The following CSMD1 variants were observed in gnomAD, a reference collection of about 807,000 sequenced individuals.
CSMD1 encodes CUB and sushi domain-containing protein 1.
Under a neutral mutation model 417.5 loss-of-function variants are expected in CSMD1, and 213 were observed. The observed-to-expected ratio is 0.51, with a 90% confidence interval of 0.46 to 0.57. The LOEUF is 0.57. CSMD1 is among the 20% of genes least tolerant of loss of function. CSMD1 has a pLI of 0.00. For missense variants in CSMD1, 6,923 were observed against 4,529.7 expected, an observed-to-expected ratio of 1.53 and a Z score of -15.17; for synonymous variants, 2,862 against 1,736.8, an observed-to-expected ratio of 1.65 and a Z score of -16.11.
chr8:4,056,579 C>T (rs1798703727), intron 3 of CSMD1, among the ~76,000 whole-genome samples: 1 of 151,774 alleles, frequency 6.6e-6, no homozygotes, highest in African/African-American at 2.4e-5. Context: ...TACATGTGCA[C>T]AATGTGCAGG....
chr8:4,089,455 C>T (rs1300645028), intron 3 of CSMD1, among the ~76,000 whole-genome samples: 1 of 151,972 alleles, frequency 6.6e-6, no homozygotes, highest in Non-Finnish European at 1.5e-5. Flanking sequence ...TTTTTGTGTC[C>T]TTCATAGTTT....
intron 3 of CSMD1, among the ~76,000 whole-genome samples, chr8:4,197,092 G>C (rs1053858103): frequency 4.6e-5 from 7 of 152,232 alleles, no homozygotes; most frequent in Non-Finnish European, 8.8e-5. Context: ...GAAACATCAA[G>C]ATGAAGACAA....
intron 5 of CSMD1, among the ~76,000 whole-genome samples, chr8:3,860,688 G>A (rs762018342): frequency 6.6e-5 from 10 of 152,228 alleles, no homozygotes; most frequent in Middle Eastern, 6.8e-3. Context: ...TAAGACCACA[G>A]AACTTTGTAA....
At chr8:4,332,952 A>C (rs1407331632) in intron 3 of CSMD1, among the ~76,000 whole-genome samples, 9 of 151,918 alleles carry the variant, frequency 5.9e-5, no homozygotes, top group Non-Finnish European at 8.8e-5. Flanking sequence ...TCTAAAAAAA[A>C]AAAAACTAAG....
chr8:3,485,270 C>T (rs1480688148), intron 11 of CSMD1, among the ~76,000 whole-genome samples: 1 of 152,128 alleles, frequency 6.6e-6, no homozygotes, highest in Non-Finnish European at 1.5e-5. Flanking sequence ...GGGAATTTTG[C>T]TGAGTGAGAA....
chr8:3,838,273 C>T (rs577667041), intron 5 of CSMD1, among the ~76,000 whole-genome samples: 1 of 152,006 alleles, frequency 6.6e-6, no homozygotes, highest in Admixed American at 6.6e-5. Flanking sequence ...TAATGGCTCA[C>T]ACCTGTAACC....
At chr8:4,888,391 TTTC>T (rs1156885388) in intron 1 of CSMD1, among the ~76,000 whole-genome samples, 1 of 152,028 alleles carries the variant, frequency 6.6e-6, no homozygotes, top group Non-Finnish European at 1.5e-5. Flanking sequence ...ATATGTATAT[TTTC>T]TTATTTCCCA....
At chr8:4,558,224 T>A (rs1383138488) in intron 2 of CSMD1, among the ~76,000 whole-genome samples, 1 of 152,120 alleles carries the variant, frequency 6.6e-6, no homozygotes, top group East Asian at 1.9e-4. Context: ...CCTTATCACT[T>A]TAGTCAGTAA....
At chr8:4,547,087 A>G (rs1797671807) in intron 2 of CSMD1, among the ~76,000 whole-genome samples, 1 of 152,158 alleles carries the variant, frequency 6.6e-6, no homozygotes, top group South Asian at 2.1e-4. Flanking sequence ...TGTATATTTC[A>G]TAGTCACCTA....
At chr8:4,417,085 A>G (rs549009364) in intron 3 of CSMD1, among the ~76,000 whole-genome samples, 12 of 152,146 alleles carry the variant, frequency 7.9e-5, no homozygotes, top group African/African-American at 2.4e-4. Context: ...ATTTTATTCT[A>G]TATTTAGCAG....
At chr8:3,215,600 C>T (rs1797834672) in intron 29 of CSMD1, among the ~76,000 whole-genome samples, 1 of 152,224 alleles carries the variant, frequency 6.6e-6, no homozygotes, top group African/African-American at 2.4e-5. Flanking sequence ...TTAAGTATTT[C>T]TTCTTCCCAA....
intron 52 of CSMD1, 39 bp from the exon 53 acceptor site, chr8:3,000,170 G>A (rs558618916): frequency 2.1e-6 from 3 of 1,455,472 alleles, no homozygotes; most frequent in Admixed American, 4.0e-5. Context: ...TAGAGTGTCT[G>A]TCATTTATAA....
intron 36 of CSMD1, among the ~76,000 whole-genome samples, chr8:3,182,826 G>GTCTCTT (rs1210917475): frequency 7.7e-4 from 105 of 135,866 alleles, no homozygotes; most frequent in African/African-American, 2.9e-3. Context: ...GACTCTGGCT[G>GTCTCTT]TCTCTTTATA....
chr8:4,136,455 C>T (rs995124145), intron 3 of CSMD1, among the ~76,000 whole-genome samples: 2 of 152,100 alleles, frequency 1.3e-5, no homozygotes, highest in African/African-American at 2.4e-5. Context: ...TTGAAAAATG[C>T]CTCTGTGTGT....
chr8:4,287,157 C>T (rs541824749), intron 3 of CSMD1, among the ~76,000 whole-genome samples: 1 of 152,324 alleles, frequency 6.6e-6, no homozygotes, highest in East Asian at 1.9e-4. Context: ...ACTATGTGGA[C>T]AGATTCTGTG....
At chr8:3,248,356 T>C (rs561729027) in intron 26 of CSMD1, among the ~76,000 whole-genome samples, 1 of 152,122 alleles carries the variant, frequency 6.6e-6, no homozygotes, top group Admixed American at 6.6e-5. Flanking sequence ...TCTTAAAATA[T>C]CCCAATTTGA....
At chr8:3,564,517 T>TTGTGTGTGTGTGTGTGTGTGTGTGTGTG (rs34665230) in intron 10 of CSMD1, among the ~76,000 whole-genome samples, 5 of 145,494 alleles carry the variant, frequency 3.4e-5, no homozygotes, top group African/African-American at 5.2e-5. Flanking sequence ...CACAGTATAT[T>TTGTGTGTGTGTGTGTGTGTGTGTGTGTG]TGTGTGTGTG....
chr8:3,934,149 A>G (rs374904806), intron 5 of CSMD1, among the ~76,000 whole-genome samples: 10 of 152,196 alleles, frequency 6.6e-5, no homozygotes, highest in African/African-American at 1.9e-4. Flanking sequence ...AGATGAGCTC[A>G]TATTTTACAG....
intron 42 of CSMD1, among the ~76,000 whole-genome samples, chr8:3,111,357 G>GAAGGGAC (rs928293946): frequency 7.0e-5 from 8 of 114,760 alleles, no homozygotes; most frequent in African/African-American, 2.0e-4. Flanking sequence ...TTCATCAGAA[G>GAAGGGAC]AAGGGACTGT....
Sources: allele counts gnomAD v4.1 joint callset (sites outside exome capture counted in the v4.1 genomes callset), GRCh38; gene constraint gnomAD v4.1.1; transcripts MANE v1.5; gene names NCBI Gene and HGNC (gene_info 2026-07-23, HGNC 2026-07-21).